SAG: variants seen among roughly 807,000 people sequenced by gnomAD.
SAG encodes the protein S-arrestin.
In SAG, 45 loss-of-function variants were observed where a neutral mutation model predicts 55.0. The observed-to-expected ratio is 0.82, with a 90% CI of 0.64 to 1.05. SAG has a LOEUF of 1.05. SAG is among the 50% of genes least tolerant of loss of function. SAG has a pLI of 0.00. For synonymous variants in SAG, 189 were observed against 197.4 expected (o/e 0.96, Z 0.36); for missense variants, 455 against 512.1 (o/e 0.89, Z 1.08).
At chr2:233,308,603 TA>T (rs1293407737) in intron 1 of SAG, among the ~76,000 whole-genome samples, 1 of 151,950 alleles carries the variant, frequency 6.6e-6, no homozygotes, top group South Asian at 2.1e-4. Flanking sequence ...TCTTTTTTTT[TA>T]AAAAAAGTGA....
At position 233,338,738 on chromosome 2, in the gene SAG, A is replaced by G. The variant is rs373805564; in HGVS notation, c.1007A>G (p.Lys336Arg). The change falls in exon 12 of 16, where the codon AAG (lysine) becomes AGG (arginine). Residue 336 changes from lysine to arginine, a missense_variant. Lys to Arg is a conservative substitution (Grantham distance 26). Coordinates refer to ENST00000409110, the MANE Select transcript of SAG (RefSeq NM_000541.5). Reference protein sequence around the residue: ...GILVSYQIKVKLTVSGFLGEL... With the variant: ...GILVSYQIKVRLTVSGFLGEL... ...CTGGTGTCTTACCAGATCAAGGTGA[A>G]GCTCACAGTGTCAGGGTAAGTGTCC... 250 of 1,613,812 alleles carry G rather than the reference A, an allele frequency of 1.5e-4. 1 individual carries two copies. Among genetic ancestry groups the G allele is most frequent in the Non-Finnish European group, 1.9e-4 (229 of 1,179,850 alleles).
Position 233,318,786 on chromosome 2 carries a change from G to T in SAG, c.172G>T (p.Gly58Ter). ...VVLVDPDLVK[G>*]KKVYVTLTCA... ...GTTGGTTGATCCTGATCTTGTGAAG[G>T]GAAAGAAAGGTGAGATGAAGCCCCT... The change falls in exon 4 of 16, where the codon GGA (glycine) becomes TGA (stop). Residue 58 changes from glycine to a stop codon, truncating the protein, a stop_gained. Coordinates refer to ENST00000409110, the MANE Select transcript of SAG (RefSeq NM_000541.5). LOFTEE classifies it high-confidence loss of function. The T allele has an allele frequency of 6.2e-7, 1 of 1,613,762 alleles. No individual in the cohort carries two copies. The highest frequency in any genetic ancestry group is 8.5e-7 in the Non-Finnish European group (1 of 1,179,672).
intron 11 of SAG, among the ~76,000 whole-genome samples, chr2:233,336,133 G>A (rs1242541768): frequency 6.6e-6 from 1 of 152,224 alleles, no homozygotes; most frequent in Non-Finnish European, 1.5e-5. Context: ...CTAGATCAAT[G>A]TATTCAAGGG....
chr2:233,320,620 T>C lies in SAG; in HGVS notation c.182-10T>C. 6.4e-7 allele frequency: 1 copy of C among 1,562,810 alleles called. No homozygotes were observed. Among genetic ancestry groups the C allele is most frequent in the Non-Finnish European group, 8.6e-7 (1 of 1,158,274 alleles). The stretch of plus-strand genomic sequence containing the variant: ...GGCCAAGTCCGACCCTGCCTTCATC[T>C]CCCTTGCAGTGTATGTCACTCTGAC... On this transcript the variant is annotated splice_polypyrimidine_tract_variant and intron_variant, in intron 4 of 15. Transcript: ENST00000409110.
At chr2:233,338,164 G>A (rs551311726) in intron 11 of SAG, among the ~76,000 whole-genome samples, 223 of 152,328 alleles carry the variant, frequency 1.5e-3, no homozygotes, top group African/African-American at 4.7e-3. Context: ...CAAGACTGGC[G>A]CGGGGGGCGC....
rs768167500 is a variant in SAG at position 233,346,830 on chromosome 2, T to C, written c.1136T>C (p.Phe379Ser). ...KESYQDANLV[F>S]EEFARHNLKD... ...AGTTATCAGGATGCAAATTTAGTTT[T>C]TGAGGAGTTTGCTCGCCATAATCTG... The change falls in exon 16 of 16, where the codon TTT becomes TCT. Residue 379 changes from phenylalanine to serine, a missense_variant. Coordinates refer to ENST00000409110, the MANE Select transcript of SAG (RefSeq NM_000541.5). The C allele has an allele frequency of 8.7e-6, 14 of 1,611,530 alleles. No individual in the cohort carries two copies. In the East Asian group the frequency reaches 2.5e-4, roughly 28 times the overall value.
intron 3 of SAG, among the ~76,000 whole-genome samples, chr2:233,317,572 A>G (rs1187938430): frequency 2.0e-5 from 3 of 152,258 alleles, no homozygotes; most frequent in African/African-American, 7.2e-5. Context: ...GTTATTTGGC[A>G]GCATGTTATC....
At chr2:233,323,183 T>C (rs1221555558) in intron 6 of SAG, among the ~76,000 whole-genome samples, 178 bp downstream of exon 6, 3 of 152,102 alleles carry the variant, frequency 2.0e-5, no homozygotes, top group South Asian at 2.1e-4. Context: ...CTCAGCATCC[T>C]GAGTAGCTGG....
chr2:233,321,946 CA>C (rs1165783777), intron 5 of SAG, among the ~76,000 whole-genome samples: 1 of 149,658 alleles, frequency 6.7e-6, no homozygotes, highest in African/African-American at 2.5e-5. Context: ...AGATTGAGAC[CA>C]TCTTGGCTAA....
chr2:233,336,154 G>A (rs986544994), intron 11 of SAG, among the ~76,000 whole-genome samples: 9 of 152,234 alleles, frequency 5.9e-5, no homozygotes, highest in African/African-American at 1.9e-4. Flanking sequence ...CGTAGGGATC[G>A]TAAGATGAAC....
At chr2:233,343,650 A>T in intron 14 of SAG, 1 of 1,261,614 alleles carries the variant, frequency 7.9e-7, no homozygotes, top group Non-Finnish European at 1.0e-6. Context: ...CAGCAAAAAT[A>T]ATATAGGTGA....
At chr2:233,315,402 C>G (rs1700190868) in intron 2 of SAG, among the ~76,000 whole-genome samples, 2 of 148,974 alleles carry the variant, frequency 1.3e-5, no homozygotes, top group Non-Finnish European at 3.0e-5. Context: ...AAGCAACTCT[C>G]CTGCCTCAAT....
chr2:233,339,161 C>T (rs1034164042), intron 12 of SAG, among the ~76,000 whole-genome samples: 6 of 152,194 alleles, frequency 3.9e-5, no homozygotes, highest in African/African-American at 1.4e-4. Flanking sequence ...TGGGGACTTT[C>T]CCCTCCCCTC....
At chr2:233,346,583 ATTACACT>A (rs1442557409) in intron 15 of SAG, among the ~76,000 whole-genome samples, 171 bp downstream of exon 15, 1 of 152,216 alleles carries the variant, frequency 6.6e-6, no homozygotes, top group Admixed American at 6.5e-5. Flanking sequence ...CGCACGCACC[ATTACACT>A]GGGTGTGCTT....
chr2:233,336,350 A>G (rs995366409), intron 11 of SAG, among the ~76,000 whole-genome samples: 6 of 152,146 alleles, frequency 3.9e-5, no homozygotes, highest in African/African-American at 9.7e-5. Context: ...CCCTGTCTCT[A>G]CTGAAAATAC....
chr2:233,346,505 C>A, intron 15 of SAG, 93 bp downstream of exon 15: 1 of 1,352,088 alleles, frequency 7.4e-7, no homozygotes, highest in Non-Finnish European at 1.1e-6. Context: ...TTGCACATAT[C>A]CCAAGCTCTC....
chr2:233,345,204 A>G (rs1417323330), intron 14 of SAG: 2 of 152,258 alleles, frequency 1.3e-5, no homozygotes, highest in East Asian at 1.9e-4. Context: ...GTCTGGGGAT[A>G]CAACACATGT....
chr2:233,331,107 A>T (rs1254197972), intron 9 of SAG, among the ~76,000 whole-genome samples: 6 of 152,194 alleles, frequency 3.9e-5, no homozygotes, highest in Admixed American at 3.9e-4. Context: ...CTTTTTAATC[A>T]TCACAACGTC....
intron 2 of SAG, among the ~76,000 whole-genome samples, chr2:233,312,721 G>A (rs908963381): frequency 1.3e-5 from 2 of 152,138 alleles, no homozygotes; most frequent in South Asian, 2.1e-4. Flanking sequence ...CCCGGGCTTC[G>A]TATACATTTT....
Sources: gnomAD v4.1 joint callset for allele counts (sites outside exome capture counted in the v4.1 genomes callset) on GRCh38, gnomAD v4.1.1 for gene constraint, MANE v1.5 for transcripts, NCBI Gene and HGNC (gene_info 2026-07-23, HGNC 2026-07-21) for gene names.